PTGFRN: variants seen among roughly 807,000 people sequenced by gnomAD.
The protein encoded by PTGFRN is prostaglandin F2 receptor negative regulator.
Under a neutral mutation model 83.2 loss-of-function variants are expected in PTGFRN, and 35 were observed. That is an observed-to-expected ratio of 0.42 (90% confidence interval 0.32 to 0.56). The LOEUF is 0.56. Ranked by LOEUF, PTGFRN falls within the 20% of genes least tolerant of loss-of-function variation. The pLI is 0.11. For synonymous variants in PTGFRN, 519 were observed against 498.6 expected, an observed-to-expected ratio of 1.04 and a Z score of -0.55; for missense variants, 1,051 against 1,179.5, an observed-to-expected ratio of 0.89 and a Z score of 1.60.
chr1:116,954,563 G>A (rs1650435887), intron 4 of PTGFRN, among the ~76,000 whole-genome samples: 1 of 152,198 alleles, frequency 6.6e-6, no homozygotes, highest in African/African-American at 2.4e-5. Context: ...GGGGGTATTA[G>A]AACATGGTCC....
At chr1:116,982,095 AAAC>A (rs1459567611) in intron 7 of PTGFRN, among the ~76,000 whole-genome samples, 2 of 152,224 alleles carry the variant, frequency 1.3e-5, no homozygotes, top group Non-Finnish European at 1.5e-5. Context: ...AGTGATGGTA[AAAC>A]TAGAAGAGAC....
intron 1 of PTGFRN, among the ~76,000 whole-genome samples, chr1:116,927,842 GC>G (rs1649693057): frequency 6.6e-6 from 1 of 152,074 alleles, no homozygotes; most frequent in South Asian, 2.1e-4. Context: ...GGTTGTCTTG[GC>G]AGCAAAAACT....
At chr1:116,984,646 A>G (rs1208926161) in intron 7 of PTGFRN, 34 bp from the exon 8 acceptor site, 8 of 1,599,426 alleles carry the variant, frequency 5.0e-6, no homozygotes, top group Middle Eastern at 3.6e-4. Flanking sequence ...TGCCCATTGC[A>G]CTGACCCCAG....
chr1:116,942,850 T>C (rs746518174), intron 2 of PTGFRN, among the ~76,000 whole-genome samples: 1 of 152,204 alleles, frequency 6.6e-6, no homozygotes, highest in Non-Finnish European at 1.5e-5. Context: ...CTGAACCCAA[T>C]CAAAATAGGG....
chr1:116,913,770 T>A (rs373750895), intron 1 of PTGFRN, among the ~76,000 whole-genome samples: 1 of 152,310 alleles, frequency 6.6e-6, no homozygotes, highest in Middle Eastern at 3.4e-3. Flanking sequence ...TGGGAATGGG[T>A]AGCCATTAAA....
At position 116,989,018 on chromosome 1, in the gene PTGFRN, A is replaced by G. The variant is rs1182180107; in HGVS notation, c.*2051A>G. On this transcript the variant is annotated 3_prime_UTR_variant, in exon 9 of 9. Coordinates refer to ENST00000393203, the MANE Select transcript of PTGFRN (RefSeq NM_020440.4). ...GAACAGATATTTAAACAGGTGCTGT[A>G]TTAGTAACAGCCAGTGCCCTTTCAG... The G allele has an allele frequency of 6.6e-6, 1 of 152,252 alleles. No homozygotes were observed. 9.4% of individuals were successfully genotyped at this position (152,252 alleles called of 1,614,324 possible). A position where few individuals can be genotyped will look rare whatever the true frequency, so the allele number is the denominator to read the frequency against.
At chr1:116,951,784 A>G (rs1307652361) in intron 4 of PTGFRN, among the ~76,000 whole-genome samples, 1 of 152,112 alleles carries the variant, frequency 6.6e-6, no homozygotes, top group Non-Finnish European at 1.5e-5. Context: ...GACCCTTCTC[A>G]AAGACTTCCC....
At chr1:116,953,047 G>A (rs1255282660) in intron 4 of PTGFRN, among the ~76,000 whole-genome samples, 2 of 152,210 alleles carry the variant, frequency 1.3e-5, no homozygotes, top group East Asian at 3.8e-4. Context: ...GCAAGAGTTG[G>A]ATACTAATCA....
At chr1:116,965,749 TTTTATTTG>T (rs1650810611) in intron 5 of PTGFRN, among the ~76,000 whole-genome samples, 1 of 152,244 alleles carries the variant, frequency 6.6e-6, no homozygotes, top group African/African-American at 2.4e-5. Context: ...ATACCATATA[TTTTATTTG>T]TTTATTTCAT....
At chr1:116,975,934 G>A (rs1308971079) in intron 7 of PTGFRN, among the ~76,000 whole-genome samples, 1 of 152,170 alleles carries the variant, frequency 6.6e-6, no homozygotes, top group Non-Finnish European at 1.5e-5. Context: ...TGAGCTAAAG[G>A]AGGAAGTTCG....
chr1:116,966,693 A>G (rs1354367537), intron 5 of PTGFRN, among the ~76,000 whole-genome samples: 1 of 152,182 alleles, frequency 6.6e-6, no homozygotes, highest in Non-Finnish European at 1.5e-5. Flanking sequence ...CTCTCTCCTG[A>G]CACCCACTGA....
At chr1:116,930,963 T>C (rs1433054707) in intron 1 of PTGFRN, among the ~76,000 whole-genome samples, 1 of 152,246 alleles carries the variant, frequency 6.6e-6, no homozygotes, top group Non-Finnish European at 1.5e-5. Context: ...CATGAAGCTT[T>C]TTATGAATCC....
At chr1:116,984,409 C>T (rs1651402923) in intron 7 of PTGFRN, among the ~76,000 whole-genome samples, 1 of 152,114 alleles carries the variant, frequency 6.6e-6, no homozygotes, top group Admixed American at 6.5e-5. Context: ...GGTTAAGAGG[C>T]TGGGCTCTGG....
intron 1 of PTGFRN, among the ~76,000 whole-genome samples, chr1:116,929,232 A>T (rs1649733304): frequency 6.6e-6 from 1 of 152,178 alleles, no homozygotes; most frequent in Admixed American, 6.5e-5. Context: ...TTTCATTCAT[A>T]CACAAGTTAA....
At chr1:116,947,632 G>A (rs1268149454) in intron 3 of PTGFRN, among the ~76,000 whole-genome samples, 2 of 152,170 alleles carry the variant, frequency 1.3e-5, no homozygotes, top group East Asian at 3.9e-4. Context: ...TGCTTGTTAA[G>A]TACTTCGTCA....
In PTGFRN at chr1:116,967,483, A is replaced by G. The variant is rs536979502; in HGVS notation, c.2059+153A>G. The stretch of plus-strand genomic sequence containing the variant: ...AAAGTGTGTAATTCAGTGGCTTTTC[A>G]TATATTCACAAAGTTGTGTGATCAT... On this transcript the variant is annotated intron_variant, in intron 6 of 8. Transcript: ENST00000393203. Among the ~76,000 whole-genome samples the G allele has an allele frequency of 2.6e-5, 4 of 152,326 alleles. No individual in the cohort carries two copies. The South Asian group carries it at 8.3e-4, about 32-fold the overall frequency.
intron 1 of PTGFRN, among the ~76,000 whole-genome samples, chr1:116,915,338 C>T (rs1416442946): frequency 2.6e-5 from 4 of 152,154 alleles, no homozygotes; most frequent in Non-Finnish European, 4.4e-5. Context: ...GTGGCCATGC[C>T]GGCTCTGAGG....
Position 116,974,232 on chromosome 1 carries a change from T to C in PTGFRN, c.2076T>C (p.Ala692=), listed in dbSNP as rs1224180236. The C allele has an allele frequency of 6.2e-7, 1 of 1,608,980 alleles. No individual in the cohort carries two copies. Among genetic ancestry groups the C allele is most frequent in the African/African-American group, 1.3e-5 (1 of 74,922 alleles). The change falls in exon 7 of 9, where the codon GCT becomes GCC. Residue 692 remains alanine, a synonymous_variant. Transcript: ENST00000393203. ...DFQTSGPIFN[A]SVHSDTPSVI... ...TTTTTCCAGGTCCTATATTTAATGC[T>C]TCTGTGCATTCAGACACACCATCAG...
intron 1 of PTGFRN, among the ~76,000 whole-genome samples, chr1:116,919,507 C>T (rs1025456363): frequency 6.6e-6 from 1 of 152,164 alleles, no homozygotes; most frequent in African/African-American, 2.4e-5. Flanking sequence ...AAGTGATCCT[C>T]CCACCTCAGC....
Sources: allele counts gnomAD v4.1 joint callset (sites outside exome capture counted in the v4.1 genomes callset), GRCh38; gene constraint gnomAD v4.1.1; transcripts MANE v1.5; gene names NCBI Gene and HGNC (gene_info 2026-07-23, HGNC 2026-07-21).